Variants in DACH1 observed in about 807,000 individuals in gnomAD.
DACH1 encodes dachshund family transcription factor 1, also known as dachshund homolog 1.
A neutral mutation model predicts 54.2 loss-of-function variants in DACH1; 12 were observed. The observed-to-expected ratio is 0.22, with a 90% confidence interval of 0.14 to 0.36. DACH1 has a LOEUF of 0.36. Ranked by LOEUF, DACH1 falls within the 10% of genes least tolerant of loss-of-function variation. The pLI is 1.00. For missense variants in DACH1, 805 were observed against 929.8 expected, an observed-to-expected ratio of 0.87 and a Z score of 1.75; for synonymous variants, 386 against 366.2, an observed-to-expected ratio of 1.05 and a Z score of -0.62.
chr13:71,465,850 T>G, intron 10 of DACH1, among the ~76,000 whole-genome samples: 1 of 152,168 alleles, frequency 6.6e-6, no homozygotes, highest in Admixed American at 6.5e-5. Context: ...ATATGAAATT[T>G]AAATGCAGCT....
intron 3 of DACH1, among the ~76,000 whole-genome samples, chr13:71,625,259 T>C (rs1389203960): frequency 6.6e-6 from 1 of 152,044 alleles, no homozygotes; most frequent in Non-Finnish European, 1.5e-5. Flanking sequence ...TTCATTAACA[T>C]TGCCAAGGCA....
intron 1 of DACH1, among the ~76,000 whole-genome samples, chr13:71,742,921 A>G (rs541554420): frequency 1.4e-4 from 21 of 152,294 alleles, no homozygotes; most frequent in African/African-American, 5.1e-4. Flanking sequence ...CTCTGTAGAA[A>G]TTTATGAATC....
At chr13:71,572,638 T>G (rs978266860) in intron 4 of DACH1, among the ~76,000 whole-genome samples, 1 of 152,096 alleles carries the variant, frequency 6.6e-6, no homozygotes, top group African/African-American at 2.4e-5. Flanking sequence ...TCTTAATAGA[T>G]ATATAGAGAA....
intron 6 of DACH1, among the ~76,000 whole-genome samples, chr13:71,536,908 G>T (rs942737908): frequency 2.0e-5 from 3 of 152,008 alleles, no homozygotes; most frequent in South Asian, 2.1e-4. Context: ...TCACCTAGAG[G>T]TCTTTAATAG....
intron 1 of DACH1, among the ~76,000 whole-genome samples, chr13:71,793,481 T>C (rs763479855): frequency 5.9e-5 from 9 of 152,208 alleles, no homozygotes; most frequent in Admixed American, 2.6e-4. Flanking sequence ...GGGAAGTAAG[T>C]ATGTGAACAT....
At chr13:71,799,586 C>T (rs535686452) in intron 1 of DACH1, among the ~76,000 whole-genome samples, 3 of 152,134 alleles carry the variant, frequency 2.0e-5, no homozygotes, top group South Asian at 2.1e-4. Flanking sequence ...TAGCACATAC[C>T]GGCTCTCAAC....
intron 1 of DACH1, among the ~76,000 whole-genome samples, chr13:71,781,425 C>T (rs888430178): frequency 5.3e-5 from 8 of 151,450 alleles, no homozygotes; most frequent in African/African-American, 1.9e-4. Flanking sequence ...GTCACCCAGG[C>T]TGGAGTGCAG....
chr13:71,630,089 CA>C (rs1876973841), intron 3 of DACH1, among the ~76,000 whole-genome samples: 1 of 152,074 alleles, frequency 6.6e-6, no homozygotes, highest in African/African-American at 2.4e-5. Flanking sequence ...AAGAATTAAT[CA>C]TCAACATAAT....
intron 4 of DACH1, among the ~76,000 whole-genome samples, chr13:71,566,848 C>T (rs1037584651): frequency 1.3e-5 from 2 of 151,972 alleles, no homozygotes; most frequent in African/African-American, 4.8e-5. Context: ...TCTAAAAGCT[C>T]TGCATACACT....
In DACH1 at chr13:71,735,597, C is replaced by CGTGTATATGGCATATGT. The variant is rs144158801; in HGVS notation, c.849-53688_849-53687insACATATGCCATATACAC. On this transcript the variant is annotated intron_variant, in intron 1 of 10. Coordinates refer to ENST00000613252, the MANE Select transcript of DACH1 (RefSeq NM_080759.6). ...GGGATATACGTGTATATGGGATATA[C>CGTGTATATGGCATATGT]GTATATGGGATATACGTGTATATGG... Among the ~76,000 whole-genome samples the CGTGTATATGGCATATGT allele has an allele frequency of 2.9e-4, 28 of 98,176 alleles. 1 individual carries two copies. The highest frequency in any genetic ancestry group is 4.6e-4 in the Non-Finnish European group (23 of 49,646). The allele number at this position is 98,176 out of a possible 152,430, so 64.4% of individuals were successfully genotyped here. A position where few individuals can be genotyped will look rare whatever the true frequency, so the allele number is the denominator to read the frequency against.
intron 1 of DACH1, among the ~76,000 whole-genome samples, chr13:71,719,359 C>G (rs943404279): frequency 6.6e-6 from 1 of 152,154 alleles, no homozygotes; most frequent in Non-Finnish European, 1.5e-5. Flanking sequence ...GATCCCATGT[C>G]TTACTGTAGC....
chr13:71,573,239 C>A (rs998385020), intron 3 of DACH1, among the ~76,000 whole-genome samples: 9 of 152,092 alleles, frequency 5.9e-5, no homozygotes, highest in African/African-American at 2.2e-4. Flanking sequence ...ATGGTCAATT[C>A]TTTGCTATAT....
intron 2 of DACH1, among the ~76,000 whole-genome samples, chr13:71,640,680 A>C (rs772468643): frequency 2.0e-5 from 3 of 152,006 alleles, no homozygotes; most frequent in Non-Finnish European, 4.4e-5. Flanking sequence ...CACAGAACCC[A>C]TCAGCCAAAA....
intron 6 of DACH1, among the ~76,000 whole-genome samples, chr13:71,530,006 G>T (rs950635843): frequency 6.6e-6 from 1 of 151,980 alleles, no homozygotes; most frequent in Non-Finnish European, 1.5e-5. Flanking sequence ...GCATTATGTT[G>T]GCTTTTTCTC....
intron 1 of DACH1, among the ~76,000 whole-genome samples, chr13:71,738,947 C>G (rs968491624): frequency 6.6e-6 from 1 of 151,758 alleles, no homozygotes; most frequent in Non-Finnish European, 1.5e-5. Context: ...AAACGCGAAT[C>G]AACAACTATT....
chr13:71,460,254 T>C (rs1875955822), intron 10 of DACH1, among the ~76,000 whole-genome samples: 1 of 152,064 alleles, frequency 6.6e-6, no homozygotes, highest in Non-Finnish European at 1.5e-5. Flanking sequence ...TATATAAACA[T>C]TCTAGAAAAT....
At chr13:71,455,704 T>G (rs1456181229) in intron 10 of DACH1, among the ~76,000 whole-genome samples, 2 of 152,070 alleles carry the variant, frequency 1.3e-5, no homozygotes, top group African/African-American at 4.8e-5. Context: ...AAAACCACAT[T>G]CTAGATCTGT....
At chr13:71,550,113 T>C (rs1033142054) in intron 6 of DACH1, among the ~76,000 whole-genome samples, 3 of 152,178 alleles carry the variant, frequency 2.0e-5, no homozygotes, top group African/African-American at 7.2e-5. Flanking sequence ...TCATGATAAC[T>C]GTGGTATTAT....
intron 1 of DACH1, among the ~76,000 whole-genome samples, chr13:71,700,334 G>T (rs1034229695): frequency 6.6e-5 from 10 of 152,034 alleles, no homozygotes; most frequent in Non-Finnish European, 1.2e-4. Context: ...GAGTTGGGCG[G>T]ATCACGAGGT....
Sources: allele counts gnomAD v4.1 joint callset (sites outside exome capture counted in the v4.1 genomes callset), GRCh38; gene constraint gnomAD v4.1.1; transcripts MANE v1.5; gene names NCBI Gene and HGNC (gene_info 2026-07-23, HGNC 2026-07-21).